CCAR1: variants seen among roughly 807,000 people sequenced by gnomAD.
CCAR1 encodes cell division cycle and apoptosis regulator 1.
CCAR1 carries 78 observed loss-of-function variants against 163.8 expected under a neutral mutation model. That is an observed-to-expected ratio of 0.48 (90% CI 0.40 to 0.57). The LOEUF is 0.57. Ranked by LOEUF, CCAR1 falls within the 20% of genes least tolerant of loss-of-function variation. CCAR1 has a pLI of 0.00. For missense variants in CCAR1, 1,019 were observed against 1,365.2 expected, an observed-to-expected ratio of 0.75 and a Z score of 4.00; for synonymous variants, 443 against 460.7, an observed-to-expected ratio of 0.96 and a Z score of 0.49.
intron 11 of CCAR1, 65 bp from the exon 12 acceptor site, chr10:68,754,649 A>G (rs1218259341): frequency 2.6e-6 from 2 of 772,258 alleles, no homozygotes; most frequent in Admixed American, 4.4e-5. Flanking sequence ...GATAATTAGT[A>G]GTGCTTCTCA....
intron 19 of CCAR1, among the ~76,000 whole-genome samples, chr10:68,783,025 C>T (rs1214550320): frequency 2.4e-5 from 3 of 122,808 alleles, no homozygotes; most frequent in Non-Finnish European, 5.0e-5. Flanking sequence ...TTTTTTGAGA[C>T]AGGGTTTCAC....
chr10:68,774,928 T>C (rs952892002), intron 19 of CCAR1: 8 of 383,364 alleles, frequency 2.1e-5, no homozygotes, highest in Non-Finnish European at 3.9e-5. Context: ...ATTATAAGAG[T>C]TCTTTTTGTT....
intron 21 of CCAR1, 101 bp from the exon 22 acceptor site, chr10:68,787,826 A>G: frequency 8.5e-7 from 1 of 1,170,214 alleles, no homozygotes; most frequent in Non-Finnish European, 1.2e-6. Flanking sequence ...CAAGAGCAAG[A>G]CTCTTTCTCA....
In CCAR1 at chr10:68,791,202, T is replaced by C. The variant is rs2056848555; in HGVS notation, c.3394-5T>C. 1.3e-6 allele frequency: 2 copies of C among 1,548,714 alleles called. No individual in the cohort carries two copies. Among genetic ancestry groups the C allele is most frequent in the African/African-American group, 2.7e-5 (2 of 73,362 alleles). ...TGTATTTTTTCCTTCTCTATTGTCTTATAGGATAATGTAAAGAATGAAGAC... is the reference window on the plus strand; with the variant it reads ...TGTATTTTTTCCTTCTCTATTGTCTCATAGGATAATGTAAAGAATGAAGAC... On this transcript the variant is annotated splice_polypyrimidine_tract_variant and splice_region_variant and intron_variant, in intron 24 of 24. Transcript: ENST00000265872.
chr10:68,772,195 T>C (rs954926955), intron 18 of CCAR1, among the ~76,000 whole-genome samples: 2 of 152,068 alleles, frequency 1.3e-5, no homozygotes, highest in African/African-American at 4.8e-5. Flanking sequence ...TTATTATACA[T>C]TTATAGTATG....
chr10:68,775,497 C>CTTT (rs58856212), intron 19 of CCAR1, among the ~76,000 whole-genome samples: 4 of 117,986 alleles, frequency 3.4e-5, no homozygotes, highest in African/African-American at 6.1e-5. Context: ...GCCTCATTTT[C>CTTT]TTTTTTTTTT....
intron 2 of CCAR1, among the ~76,000 whole-genome samples, chr10:68,726,069 G>A (rs1234713450): frequency 4.1e-5 from 6 of 145,542 alleles, no homozygotes; most frequent in Non-Finnish European, 8.9e-5. Context: ...AGCTGTGATA[G>A]TTCCGCCATA....
chr10:68,757,347 T>C lies in CCAR1; in HGVS notation c.1890T>C (p.His630=). Reference sequence around the variant, plus strand: ...CTAAAGAAATTTCTACACCTACCCATTGGTCTAAACTTGATCCAAAGACAA... The same window carrying C: ...CTAAAGAAATTTCTACACCTACCCACTGGTCTAAACTTGATCCAAAGACAA... ...GEAKEISTPT[H]WSKLDPKTMK... is the part of the protein sequence containing the mutation. Residue 630 remains histidine, a synonymous_variant, in exon 15 of 25, where the codon CAT becomes CAC. Transcript: ENST00000265872. 6.3e-7 allele frequency: 1 copy of C among 1,585,562 alleles called. No individual in the cohort carries two copies. The highest frequency in any genetic ancestry group is 1.1e-5 in the South Asian group (1 of 90,266).
chr10:68,737,117 A>T lies in CCAR1; in HGVS notation c.246+69A>T, dbSNP rs1301555878. ...TGAAATCTGAGTAGCTAGCATTGCT[A>T]CCTTCATTTTACAGGTAGTGAAGAA... On this transcript the variant is annotated intron_variant, in intron 3 of 24. Transcript: ENST00000265872. 6.2e-5 allele frequency: 65 copies of T among 1,042,190 alleles called. No homozygotes were observed. In the East Asian group the frequency reaches 1.6e-3, roughly 25 times the overall value. The allele number at this position is 1,042,190 out of a possible 1,614,324, so 64.6% of individuals were successfully genotyped here.
At chr10:68,758,418 G>A (rs1419069385) in intron 15 of CCAR1, among the ~76,000 whole-genome samples, 2 of 151,620 alleles carry the variant, frequency 1.3e-5, no homozygotes, top group East Asian at 1.9e-4. Context: ...GGCCAGAAGC[G>A]GTGGCTCACT....
intron 4 of CCAR1, among the ~76,000 whole-genome samples, chr10:68,739,128 A>C (rs996470908): frequency 2.0e-5 from 3 of 152,164 alleles, no homozygotes; most frequent in Non-Finnish European, 4.4e-5. Context: ...GCTTTAGTCT[A>C]AGCATGTCCC....
chr10:68,730,943 G>T (rs1048750465), intron 2 of CCAR1, among the ~76,000 whole-genome samples: 2 of 152,018 alleles, frequency 1.3e-5, no homozygotes, highest in African/African-American at 2.4e-5. Context: ...TCAGCTCACC[G>T]TGGCCTCCCA....
intron 1 of CCAR1, 149 bp from the exon 2 acceptor site, chr10:68,722,306 A>AT: frequency 1.8e-6 from 1 of 552,576 alleles, no homozygotes; most frequent in Non-Finnish European, 3.3e-6. Flanking sequence ...TTGGATGTTC[A>AT]TTTGCCCTTT....
At chr10:68,778,906 A>G (rs934988566) in intron 19 of CCAR1, among the ~76,000 whole-genome samples, 2 of 152,092 alleles carry the variant, frequency 1.3e-5, no homozygotes, top group African/African-American at 4.8e-5. Context: ...GCTGGAGTGC[A>G]CTGGTGCGAT....
intron 10 of CCAR1, among the ~76,000 whole-genome samples, chr10:68,751,018 T>C (rs2056323571): frequency 6.7e-6 from 1 of 148,798 alleles, no homozygotes; most frequent in African/African-American, 2.5e-5. Context: ...AGCACCTACT[T>C]TTTTTTTTGT....
chr10:68,786,495 TA>T, intron 20 of CCAR1, 50 bp from the exon 21 acceptor site: 2 of 1,354,710 alleles, frequency 1.5e-6, no homozygotes, highest in African/African-American at 1.5e-5. Context: ...TTTTTGGGGG[TA>T]AAAAATTTGA....
At chr10:68,745,011 TTAA>T (rs1020552946) in intron 6 of CCAR1, among the ~76,000 whole-genome samples, 3 of 151,904 alleles carry the variant, frequency 2.0e-5, no homozygotes, top group African/African-American at 4.8e-5. Context: ...AATTAATTAA[TTAA>T]TTTTTTTTGA....
At chr10:68,763,188 G>T (rs530148101) in intron 16 of CCAR1, among the ~76,000 whole-genome samples, 7 of 152,164 alleles carry the variant, frequency 4.6e-5, no homozygotes, top group African/African-American at 1.4e-4. Context: ...GTCTCGCCCT[G>T]TTGCCAGGTT....
Position 68,791,332 on chromosome 10 carries a change from A to T in CCAR1, c.*66A>T, listed in dbSNP as rs1317585012. ...AATATATAAAAATCATGATATAAGA[A>T]TGTTTGAAGGTGATGCATGTTTGAT... On this transcript the variant is annotated 3_prime_UTR_variant, in exon 25 of 25. Transcript: ENST00000265872. The T allele has an allele frequency of 2.0e-5, 22 of 1,112,202 alleles. No individual in the cohort carries two copies. The highest frequency in any genetic ancestry group is 2.9e-5 in the Non-Finnish European group (22 of 757,640). The allele number at this position is 1,112,202 out of a possible 1,614,324, so 68.9% of individuals were successfully genotyped here.
Sources: allele counts gnomAD v4.1 joint callset (sites outside exome capture counted in the v4.1 genomes callset), GRCh38; gene constraint gnomAD v4.1.1; transcripts MANE v1.5; gene names NCBI Gene and HGNC (gene_info 2026-07-23, HGNC 2026-07-21).